MNAT1: variants seen among roughly 807,000 people sequenced by gnomAD.
MNAT1 encodes the protein MNAT1 component of CDK activating kinase.
MNAT1 carries 43 observed loss-of-function variants against 42.0 expected under a neutral mutation model. The observed-to-expected ratio is 1.02, with a 90% CI of 0.80 to 1.32. The LOEUF is 1.32. MNAT1 is among the 40% of genes most tolerant of loss of function. The pLI is 0.00. For synonymous variants in MNAT1, 118 were observed against 120.0 expected (o/e 0.98, Z 0.11); for missense variants, 306 against 350.4 (o/e 0.87, Z 1.01).
intron 6 of MNAT1, among the ~76,000 whole-genome samples, chr14:60,838,511 A>C (rs1231615912): frequency 6.6e-6 from 1 of 152,010 alleles, no homozygotes; most frequent in African/African-American, 2.4e-5. Context: ...TCTTTAATTA[A>C]GATTTAATTT....
chr14:60,950,087 T>C (rs1477629176), intron 7 of MNAT1, among the ~76,000 whole-genome samples: 1 of 152,174 alleles, frequency 6.6e-6, no homozygotes, highest in African/African-American at 2.4e-5. Flanking sequence ...TTGTTTGCTT[T>C]AGAGATTTAT....
intron 6 of MNAT1, among the ~76,000 whole-genome samples, chr14:60,876,799 A>C (rs1181086774): frequency 6.6e-6 from 1 of 152,052 alleles, no homozygotes; most frequent in Non-Finnish European, 1.5e-5. Context: ...TTATGTGTAT[A>C]TACACACCAC....
At chr14:60,950,834 C>CTA (rs1478778756) in intron 7 of MNAT1, among the ~76,000 whole-genome samples, 3 of 152,154 alleles carry the variant, frequency 2.0e-5, no homozygotes, top group Non-Finnish European at 2.9e-5. Flanking sequence ...CACTTTAGAG[C>CTA]TATATCTTAA....
At chr14:60,955,065 C>T (rs183576341) in intron 7 of MNAT1, among the ~76,000 whole-genome samples, 45 of 152,124 alleles carry the variant, frequency 3.0e-4, no homozygotes, top group African/African-American at 1.1e-3. Flanking sequence ...CCTACTTGAT[C>T]ATAGTGTATT....
At chr14:60,763,471 A>G (rs1365810224) in intron 1 of MNAT1, among the ~76,000 whole-genome samples, 2 of 152,160 alleles carry the variant, frequency 1.3e-5, no homozygotes, top group Non-Finnish European at 2.9e-5. Flanking sequence ...TAGGGTACAG[A>G]GTGATTAAGT....
At chr14:60,964,077 A>G (rs1470041277) in intron 7 of MNAT1, among the ~76,000 whole-genome samples, 1 of 152,180 alleles carries the variant, frequency 6.6e-6, no homozygotes, top group Non-Finnish European at 1.5e-5. Flanking sequence ...GAAAAGAGTA[A>G]TCTCAGAAGC....
chr14:60,760,062 A>G (rs1049133950), intron 1 of MNAT1, among the ~76,000 whole-genome samples: 13 of 152,234 alleles, frequency 8.5e-5, no homozygotes, highest in African/African-American at 3.1e-4. Flanking sequence ...GTGAAAGATT[A>G]AAGTTGCAAA....
At chr14:60,859,441 C>T (rs900007599) in intron 6 of MNAT1, among the ~76,000 whole-genome samples, 8 of 152,216 alleles carry the variant, frequency 5.3e-5, no homozygotes, top group Non-Finnish European at 1.2e-4. Flanking sequence ...TCATGCTACT[C>T]TAATTTGAGT....
At chr14:60,780,343 A>G in intron 1 of MNAT1, 1 of 1,571,704 alleles carries the variant, frequency 6.4e-7, no homozygotes, top group East Asian at 2.2e-5. Context: ...AGTCTCAGAA[A>G]GCTATTCAGG....
intron 1 of MNAT1, among the ~76,000 whole-genome samples, chr14:60,767,649 A>G (rs899600727): frequency 1.4e-4 from 22 of 152,108 alleles, no homozygotes; most frequent in Non-Finnish European, 2.4e-4. Context: ...TGCCCAGGCA[A>G]GAGTGCAATG....
chr14:60,862,064 C>T (rs1392929970), intron 6 of MNAT1, among the ~76,000 whole-genome samples: 1 of 152,126 alleles, frequency 6.6e-6, no homozygotes, highest in African/African-American at 2.4e-5. Flanking sequence ...AAATAAAGAC[C>T]TATGAGAGTG....
intron 1 of MNAT1, among the ~76,000 whole-genome samples, chr14:60,772,862 A>G (rs1340614842): frequency 1.3e-5 from 2 of 151,580 alleles, no homozygotes; most frequent in African/African-American, 4.8e-5. Flanking sequence ...AAGCAAATGA[A>G]GTAAGGAAGG....
At chr14:60,843,359 C>T (rs920212133) in intron 6 of MNAT1, among the ~76,000 whole-genome samples, 1 of 152,272 alleles carries the variant, frequency 6.6e-6, no homozygotes, top group South Asian at 2.1e-4. Context: ...CAAGCTCCGC[C>T]TCCCGGGTTC....
chr14:60,735,000 G>C lies in MNAT1; in HGVS notation c.89+49G>C, dbSNP rs1314340928. The C allele has an allele frequency of 6.4e-7, 1 of 1,570,788 alleles. No individual in the cohort carries two copies. Among genetic ancestry groups the C allele is most frequent in the East Asian group, 2.2e-5 (1 of 44,652 alleles). ...CCTGGGGGAGAGACGCGCTGGGTGG[G>C]AGGAGAGGACCGGGAGATGCTAGGC... On this transcript the variant is annotated intron_variant, in intron 1 of 7. Transcript: ENST00000261245. This position sits in a 1 kb window ranked among gnomAD's most constrained non-coding sequence, Gnocchi z 4.3.
chr14:60,886,320 G>A (rs1163242430), intron 7 of MNAT1, among the ~76,000 whole-genome samples: 2 of 151,858 alleles, frequency 1.3e-5, no homozygotes, highest in African/African-American at 4.8e-5. Context: ...TGTTGAATCT[G>A]TATACTGCTT....
At chr14:60,913,829 G>A (rs2035447016) in intron 7 of MNAT1, among the ~76,000 whole-genome samples, 1 of 152,184 alleles carries the variant, frequency 6.6e-6, no homozygotes, top group African/African-American at 2.4e-5. Flanking sequence ...CTGCGTGCTG[G>A]AAGAACCACT....
intron 7 of MNAT1, among the ~76,000 whole-genome samples, chr14:60,895,026 A>G (rs1355498553): frequency 9.2e-5 from 14 of 152,210 alleles, no homozygotes; most frequent in Admixed American, 9.2e-4. Flanking sequence ...AGAATGTGTA[A>G]CTCATACTTC....
chr14:60,747,195 A>T (rs2029876869), intron 1 of MNAT1, among the ~76,000 whole-genome samples: 1 of 151,682 alleles, frequency 6.6e-6, no homozygotes, highest in African/African-American at 2.4e-5. Flanking sequence ...CATGTTAGCC[A>T]GGATGGTCTT....
intron 6 of MNAT1, among the ~76,000 whole-genome samples, chr14:60,834,991 C>G (rs1398899470): frequency 9.9e-6 from 1 of 101,170 alleles, no homozygotes; most frequent in Non-Finnish European, 1.8e-5. Context: ...CTTGCTCCCG[C>G]CCTCCCTCCC....
Sources: allele counts gnomAD v4.1 joint callset (sites outside exome capture counted in the v4.1 genomes callset), GRCh38; gene constraint gnomAD v4.1.1; non-coding constraint Gnocchi (gnomAD v3.1); transcripts MANE v1.5; gene names NCBI Gene and HGNC (gene_info 2026-07-23, HGNC 2026-07-21).